Variants in MYO16 observed in about 807,000 individuals in gnomAD.
MYO16 encodes the protein myosin XVI.
Under a neutral mutation model 205.3 loss-of-function variants are expected in MYO16, and 94 were observed. The ratio of observed to expected loss-of-function variants is 0.46; its 90% CI spans 0.39 to 0.54. The LOEUF is 0.54. Ranked by LOEUF, MYO16 falls within the 20% of genes least tolerant of loss-of-function variation. MYO16 has a pLI of 0.00. For missense variants in MYO16, 2,315 were observed against 2,387.5 expected, an observed-to-expected ratio of 0.97 and a Z score of 0.63; for synonymous variants, 988 against 954.0, an observed-to-expected ratio of 1.04 and a Z score of -0.66.
rs2139776461 is a variant in MYO16 at position 109,127,703 on chromosome 13, A to G, written c.4051+153A>G. The G allele has an allele frequency of 1.4e-6, 1 of 728,738 alleles. No homozygotes were observed. The highest frequency in any genetic ancestry group is 1.8e-5 in the African/African-American group (1 of 56,796). 45.1% of individuals were successfully genotyped at this position (728,738 alleles called of 1,614,324 possible). A position where few individuals can be genotyped will look rare whatever the true frequency, so the allele number is the denominator to read the frequency against. On this transcript the variant is annotated intron_variant, in intron 31 of 34. Coordinates refer to ENST00000457511, the MANE Select transcript of MYO16 (RefSeq NM_001198950.3). The surrounding 1 kb of genome is among the most constrained non-coding windows in gnomAD (Gnocchi z 4.2). ...TGCCAGCAGCTCTTAATCATTAAATATAAATAATATTTATTCAAATCTCTA... is the reference window on the plus strand; with the variant it reads ...TGCCAGCAGCTCTTAATCATTAAATGTAAATAATATTTATTCAAATCTCTA...
intron 4 of MYO16, among the ~76,000 whole-genome samples, chr13:108,759,095 C>A (rs1293368048): frequency 2.0e-5 from 3 of 152,006 alleles, no homozygotes; most frequent in African/African-American, 7.2e-5. Flanking sequence ...AATGAAAGGA[C>A]TTGCCAAATG....
chr13:108,528,177 A>G, the MYO16 span, among the ~76,000 whole-genome samples: 1 of 152,242 alleles, frequency 6.6e-6, no homozygotes, highest in African/African-American at 2.4e-5. Context: ...TGAATGCTTC[A>G]TGAAAACAGA....
the MYO16 span, among the ~76,000 whole-genome samples, chr13:108,538,245 C>G: frequency 6.6e-6 from 1 of 151,782 alleles, no homozygotes; most frequent in African/African-American, 2.4e-5. Context: ...AAGGTGGGAT[C>G]AGAACAAATA....
intron 3 of MYO16, among the ~76,000 whole-genome samples, chr13:108,727,116 A>T (rs1284497500): frequency 1.3e-5 from 2 of 151,792 alleles, no homozygotes; most frequent in Non-Finnish European, 2.9e-5. Flanking sequence ...AAAGATAATT[A>T]TTGTGAATGG....
intron 28 of MYO16, among the ~76,000 whole-genome samples, chr13:109,103,710 CA>C (rs1443146165): frequency 2.0e-5 from 3 of 152,102 alleles, no homozygotes; most frequent in African/African-American, 4.8e-5. Flanking sequence ...TTATACTCTC[CA>C]ACATTGTAGC....
Position 109,125,369 on chromosome 13 carries a change from A to G in MYO16, c.3782+11A>G. On this transcript the variant is annotated intron_variant, in intron 30 of 34. Coordinates refer to ENST00000457511, the MANE Select transcript of MYO16 (RefSeq NM_001198950.3). This position sits in a 1 kb window ranked among gnomAD's most constrained non-coding sequence, Gnocchi z 4.0. ...GGAAGGAAGCAAAAGGTAAAGGCAG[A>G]GAGCATGCAATTTTAATTACCTTTG... The G allele has an allele frequency of 6.2e-7, 1 of 1,613,242 alleles. No homozygotes were observed.
chr13:108,918,321 C>T (rs1300445263), intron 16 of MYO16, among the ~76,000 whole-genome samples: 1 of 152,212 alleles, frequency 6.6e-6, no homozygotes, highest in African/African-American at 2.4e-5. Context: ...AACGTGTGCA[C>T]ACAACTGCAC....
At chr13:108,684,076 A>C (rs1212067689) in intron 2 of MYO16, among the ~76,000 whole-genome samples, 1 of 152,100 alleles carries the variant, frequency 6.6e-6, no homozygotes, top group Non-Finnish European at 1.5e-5. Context: ...GGGTTTCACC[A>C]TGTTGGCCAA....
chr13:108,667,225 T>C (rs1881773100), intron 2 of MYO16, among the ~76,000 whole-genome samples: 1 of 152,124 alleles, frequency 6.6e-6, no homozygotes, highest in Non-Finnish European at 1.5e-5. Flanking sequence ...TATACAATAA[T>C]AGTTATACAT....
At chr13:108,900,166 A>G (rs1005927153) in intron 15 of MYO16, among the ~76,000 whole-genome samples, 1 of 152,188 alleles carries the variant, frequency 6.6e-6, no homozygotes, top group Non-Finnish European at 1.5e-5. Context: ...GATAGAGTTT[A>G]GAGGGTCCTT....
intron 27 of MYO16, among the ~76,000 whole-genome samples, chr13:109,083,629 C>G (rs4773025): frequency 0.57 from 86,113 of 151,878 alleles, 24,581 homozygotes; most frequent in Non-Finnish European, 0.6. Context: ...TGACCTCTAA[C>G]ATTTACTCTA....
chr13:108,981,695 G>A (rs769815525), intron 20 of MYO16, among the ~76,000 whole-genome samples: 2 of 152,166 alleles, frequency 1.3e-5, no homozygotes, highest in Non-Finnish European at 2.9e-5. Context: ...TCTGCCAGGC[G>A]GCCCAAGGTG....
chr13:109,086,109 T>C (rs1421171616), intron 27 of MYO16, among the ~76,000 whole-genome samples: 1 of 151,904 alleles, frequency 6.6e-6, no homozygotes, highest in Non-Finnish European at 1.5e-5. Context: ...AAGATAGACA[T>C]CATTTGTGCT....
intron 16 of MYO16, among the ~76,000 whole-genome samples, chr13:108,957,447 T>G (rs1387854795): frequency 6.8e-6 from 1 of 147,118 alleles, no homozygotes; most frequent in African/African-American, 2.5e-5. Context: ...CAAGGAAAGG[T>G]GCAGCTAAGA....
chr13:108,911,034 A>AACACACACACAC (rs113296282), intron 16 of MYO16, among the ~76,000 whole-genome samples: 4,556 of 138,448 alleles, frequency 0.033, 108 homozygotes, highest in Non-Finnish European at 0.045. Context: ...TATAGGAGAA[A>AACACACACACAC]ACACACACAC....
chr13:108,727,677 T>G, intron 4 of MYO16, 94 bp downstream of exon 4: 1 of 1,427,974 alleles, frequency 7.0e-7, no homozygotes, highest in East Asian at 2.3e-5. Context: ...TGTAATATTT[T>G]GGTTGAGAAA....
At chr13:109,014,641 A>G (rs187717455) in intron 22 of MYO16, among the ~76,000 whole-genome samples, 1 of 152,000 alleles carries the variant, frequency 6.6e-6, no homozygotes, top group Non-Finnish European at 1.5e-5. Context: ...CTTTTATTTC[A>G]TTGAGCAGTG....
At chr13:108,632,289 T>C (rs1239070674) in intron 1 of MYO16, among the ~76,000 whole-genome samples, 1 of 152,090 alleles carries the variant, frequency 6.6e-6, no homozygotes, top group Non-Finnish European at 1.5e-5. Flanking sequence ...CTACCACATA[T>C]CTGTCTTTCA....
the MYO16 span, among the ~76,000 whole-genome samples, chr13:108,527,481 T>C: frequency 1.3e-5 from 2 of 152,224 alleles, no homozygotes; most frequent in Admixed American, 1.3e-4. Context: ...TAATTAAGGT[T>C]TGTAACCTCT....
Sources: gnomAD v4.1 joint callset for allele counts (sites outside exome capture counted in the v4.1 genomes callset) on GRCh38, gnomAD v4.1.1 for gene constraint, Gnocchi (gnomAD v3.1) non-coding constraint, MANE v1.5 for transcripts, NCBI Gene and HGNC (gene_info 2026-07-23, HGNC 2026-07-21) for gene names.